Variants in MTARC1 observed in about 807,000 individuals in gnomAD.
MTARC1 encodes the protein mitochondrial amidoxime-reducing component 1.
In MTARC1, 24 loss-of-function variants were observed where a neutral mutation model predicts 33.6. The observed-to-expected ratio is 0.72, with a 90% CI of 0.52 to 1.01. MTARC1 has a LOEUF of 1.01. Ranked by LOEUF, MTARC1 falls within the 50% of genes least tolerant of loss-of-function variation. The probability of loss-of-function intolerance (pLI) is 0.00; values close to 1 mark genes in which losing one functional copy is unlikely to be tolerated. For missense variants in MTARC1, 417 were observed against 445.7 expected, an observed-to-expected ratio of 0.94 and a Z score of 0.58; for synonymous variants, 187 against 189.5, an observed-to-expected ratio of 0.99 and a Z score of 0.11.
At chr1:220,811,022 C>T (rs11118607) in intron 6 of MTARC1, among the ~76,000 whole-genome samples, 29,331 of 152,166 alleles carry the variant, frequency 0.19, 3,197 homozygotes, top group African/African-American at 0.3. Flanking sequence ...ATGTGTGATG[C>T]GCAGAACTCC....
chr1:220,800,884 G>A (rs1489681692), intron 4 of MTARC1, among the ~76,000 whole-genome samples: 1 of 117,196 alleles, frequency 8.5e-6, no homozygotes, highest in Non-Finnish European at 1.7e-5. Flanking sequence ...ACAGATCTTG[G>A]TGGCTGGGCC....
intron 4 of MTARC1, among the ~76,000 whole-genome samples, chr1:220,800,817 A>C: frequency 6.6e-6 from 1 of 151,802 alleles, no homozygotes; most frequent in South Asian, 2.1e-4. Flanking sequence ...TCAGGCCCCA[A>C]ACTGCGAACC....
intron 6 of MTARC1, among the ~76,000 whole-genome samples, chr1:220,809,491 C>CAATTTAATTT (rs144260621): frequency 0.048 from 7,238 of 150,112 alleles, 457 homozygotes; most frequent in African/African-American, 0.14. Context: ...TCTAATTCTT[C>CAATTTAATTT]AATTTAATTT....
intron 4 of MTARC1, among the ~76,000 whole-genome samples, chr1:220,803,605 C>T (rs1672880154): frequency 6.6e-6 from 1 of 152,172 alleles, no homozygotes; most frequent in Non-Finnish European, 1.5e-5. Context: ...CTCTCCCATA[C>T]CAGGCTTGTC....
chr1:220,813,245 C>A, intron 6 of MTARC1, 47 bp from the exon 7 acceptor site: 1 of 1,613,060 alleles, frequency 6.2e-7, no homozygotes, highest in South Asian at 1.1e-5. Flanking sequence ...TGGTTGAGCT[C>A]TTGCATCCGC....
chr1:220,807,609 AC>A (rs1239243903), intron 6 of MTARC1, among the ~76,000 whole-genome samples: 2 of 152,188 alleles, frequency 1.3e-5, no homozygotes, highest in African/African-American at 2.4e-5. Context: ...AAACAAAAAA[AC>A]AAATATATAT....
At chr1:220,790,561 C>T (rs1382425370) in intron 1 of MTARC1, among the ~76,000 whole-genome samples, 1 of 152,204 alleles carries the variant, frequency 6.6e-6, no homozygotes, top group Non-Finnish European at 1.5e-5. Context: ...AGGGCTTATA[C>T]TAAGCATATT....
At chr1:220,790,501 A>G (rs1211249272) in intron 1 of MTARC1, among the ~76,000 whole-genome samples, 1 of 152,242 alleles carries the variant, frequency 6.6e-6, no homozygotes, top group Non-Finnish European at 1.5e-5. Context: ...GGGTCAGGGC[A>G]GGCCTCTGTC....
intron 6 of MTARC1, among the ~76,000 whole-genome samples, chr1:220,812,987 A>C (rs1053391732): frequency 1.3e-5 from 2 of 152,118 alleles, no homozygotes; most frequent in Non-Finnish European, 2.9e-5. Flanking sequence ...CGGCCTCCCA[A>C]AGTGCTGGGA....
Position 220,813,384 on chromosome 1 carries a change from A to T in MTARC1, c.980A>T (p.Lys327Ile). The T allele has an allele frequency of 6.2e-7, 1 of 1,614,182 alleles. No homozygotes were observed. The highest frequency in any genetic ancestry group is 8.5e-7 in the Non-Finnish European group (1 of 1,180,030). Residue 327 changes from lysine (K) to isoleucine (I), a missense_variant, in exon 7 of 7, where the codon AAA (lysine) becomes ATA (isoleucine). Physicochemically the swap from Lys to Ile is moderately radical, Grantham distance 102. Transcript: ENST00000366910. ...GTGCTGGAAAACCCAGGGACCATCA[A>T]AGTGGGAGACCCTGTGTACCTGCTG... ...YFVLENPGTI[K>I]VGDPVYLLGQ
rs566467064 is a variant in MTARC1 at position 220,787,867 on chromosome 1, G to A, written c.275+648G>A. ...AAACAAAAAAACAAAAATTAGCCGG[G>A]CGTAGTGGCGCGCACCTGTAATCCC... On this transcript the variant is annotated intron_variant, in intron 1 of 6. Coordinates refer to ENST00000366910, the MANE Select transcript of MTARC1 (RefSeq NM_022746.4). Among the ~76,000 whole-genome samples the A allele has an allele frequency of 5.9e-5, 9 of 152,272 alleles. No homozygotes were observed. In the South Asian group the frequency reaches 1.9e-3, roughly 32 times the overall value.
At chr1:220,804,623 C>T (rs2242358) in intron 4 of MTARC1, among the ~76,000 whole-genome samples, 64,661 of 151,610 alleles carry the variant, frequency 0.43, 13,810 homozygotes, top group South Asian at 0.44. Context: ...ACTTAAGGCT[C>T]TTGATCCATA....
intron 2 of MTARC1, chr1:220,794,230 T>G (rs1299195297): frequency 1.3e-5 from 2 of 151,596 alleles, no homozygotes; most frequent in African/African-American, 4.9e-5. Flanking sequence ...AGAGGGTGCC[T>G]TGGTGGGCTG....
intron 6 of MTARC1, among the ~76,000 whole-genome samples, chr1:220,810,201 T>C (rs184251214): frequency 1.3e-5 from 2 of 152,224 alleles, no homozygotes; most frequent in African/African-American, 2.4e-5. Context: ...ATATGAAAAG[T>C]CACATATTTA....
intron 2 of MTARC1, among the ~76,000 whole-genome samples, chr1:220,795,545 G>A (rs1462818709): frequency 1.3e-5 from 2 of 152,128 alleles, no homozygotes; most frequent in African/African-American, 4.8e-5. Context: ...GAAACTTTAT[G>A]TAGTTACCTA....
rs2270534 is a variant in MTARC1, at chr1:220,796,955, T to C, written c.612+150T>C. The C allele has an allele frequency of 7.7e-5, 64 of 832,778 alleles. No homozygotes were observed. In the African/African-American group the frequency reaches 9.5e-4, roughly 12 times the overall value. The allele number at this position is 832,778 out of a possible 1,614,324, so 51.6% of individuals were successfully genotyped here. A position where few individuals can be genotyped will look rare whatever the true frequency, so the allele number is the denominator to read the frequency against. ...AAGCAGTAGGCAGAAATAAAGCCCT[T>C]CCCTTGGAAGCATTGTTTGTTTCTT... On this transcript the variant is annotated intron_variant, in intron 3 of 6. Coordinates refer to ENST00000366910, the MANE Select transcript of MTARC1 (RefSeq NM_022746.4).
At chr1:220,807,850 A>T (rs1050831418) in intron 6 of MTARC1, among the ~76,000 whole-genome samples, 2 of 152,112 alleles carry the variant, frequency 1.3e-5, no homozygotes, top group Non-Finnish European at 2.9e-5. Flanking sequence ...ATGGCCACAG[A>T]GGAGCTACTA....
At chr1:220,807,050 A>G (rs1471489551) in intron 6 of MTARC1, among the ~76,000 whole-genome samples, 2 of 152,216 alleles carry the variant, frequency 1.3e-5, no homozygotes, top group South Asian at 4.1e-4. Context: ...ATGTTTCTCA[A>G]TACTCAAAAC....
At chr1:220,797,108 C>T (rs909818604) in intron 3 of MTARC1, among the ~76,000 whole-genome samples, 1 of 152,128 alleles carries the variant, frequency 6.6e-6, no homozygotes, top group South Asian at 2.1e-4. Flanking sequence ...TCTGTAATTG[C>T]ACATGGAGTC....
Sources: allele counts gnomAD v4.1 joint callset (sites outside exome capture counted in the v4.1 genomes callset), GRCh38; gene constraint gnomAD v4.1.1; transcripts MANE v1.5; gene names NCBI Gene and HGNC (gene_info 2026-07-23, HGNC 2026-07-21).